Variants in TAPT1 observed in about 807,000 individuals in gnomAD.
TAPT1 encodes the protein transmembrane anterior posterior transformation protein 1 homolog.
A neutral mutation model predicts 65.6 loss-of-function variants in TAPT1; 28 were observed. The observed-to-expected ratio is 0.43, with a 90% CI of 0.32 to 0.59. TAPT1 has a LOEUF of 0.59. TAPT1 is among the 20% of genes least tolerant of loss of function. The pLI, the probability that TAPT1 is intolerant of heterozygous loss-of-function variation, is 0.09. For missense variants in TAPT1, 563 were observed against 679.9 expected (o/e 0.83, Z 1.91); for synonymous variants, 278 against 245.2 (o/e 1.13, Z -1.25).
intron 1 of TAPT1, among the ~76,000 whole-genome samples, chr4:16,224,098 A>G (rs1751413855): frequency 6.6e-6 from 1 of 152,234 alleles, no homozygotes; most frequent in African/African-American, 2.4e-5. Flanking sequence ...AAAAAAATCA[A>G]CAAGTAATAC....
chr4:16,209,725 G>C (rs1404545616), intron 2 of TAPT1, among the ~76,000 whole-genome samples: 1 of 152,188 alleles, frequency 6.6e-6, no homozygotes, highest in Non-Finnish European at 1.5e-5. Context: ...TGCCACCGTG[G>C]GGTGGACAAA....
rs2149670332 is a variant in TAPT1 at position 16,170,743 on chromosome 4, A to C, written c.1237-14T>G. On this transcript the variant is annotated splice_polypyrimidine_tract_variant and intron_variant, in intron 11 of 13. Transcript: ENST00000405303. Reference sequence around the variant, plus strand: ...AACTCTGATGAGCTAGCCAGAAACAAACCAAAACAACAAAAACACACAAAC... The same window carrying C: ...AACTCTGATGAGCTAGCCAGAAACACACCAAAACAACAAAAACACACAAAC... 6.2e-7 allele frequency: 1 copy of C among 1,605,438 alleles called. No individual in the cohort carries two copies. Among genetic ancestry groups the C allele is most frequent in the African/African-American group, 1.3e-5 (1 of 74,872 alleles).
intron 1 of TAPT1, chr4:16,225,972 T>A (rs1362861243): frequency 2.7e-5 from 27 of 994,234 alleles, no homozygotes; most frequent in Non-Finnish European, 2.5e-5. Context: ...CCGAGGGCGA[T>A]GCAAGGACCC....
chr4:16,226,513 G>GCCTCTGTCCCCT, upstream of TAPT1: 1 of 992,198 alleles, frequency 1.0e-6, no homozygotes, highest in Non-Finnish European at 1.2e-6. Context: ...GCCTCCGGCC[G>GCCTCTGTCCCCT]GCCCCCTCCC....
Position 16,202,578 on chromosome 4 carries a change from C to A in TAPT1, c.333G>T (p.Leu111=). ...CLRIPRELEK[L]MVFGIFLCLD... ...GGCACAGAAAGATTCCAAAAACCAT[C>A]AGCTGAATTTTAACAAGGAGAGAAG... Residue 111 remains leucine (L), a splice_region_variant and synonymous_variant, in exon 3 of 14, where the codon CTG becomes CTT. Transcript: ENST00000405303. The A allele has an allele frequency of 2.0e-6, 3 of 1,497,742 alleles. No homozygotes were observed. The highest frequency in any genetic ancestry group is 2.2e-5 in the Admixed American group (1 of 45,796). The allele number at this position is 1,497,742 out of a possible 1,614,324, so 92.8% of individuals were successfully genotyped here.
intron 2 of TAPT1, among the ~76,000 whole-genome samples, chr4:16,211,953 A>G (rs143006888): frequency 6.6e-6 from 1 of 152,340 alleles, no homozygotes; most frequent in East Asian, 1.9e-4. Context: ...AATGCTTATT[A>G]GTTTCTGTGA....
chr4:16,201,666 T>A lies in TAPT1; in HGVS notation c.449+796A>T, dbSNP rs1441903074. Among the ~76,000 whole-genome samples the A allele has an allele frequency of 2.6e-5, 4 of 152,320 alleles. No individual in the cohort carries two copies. The East Asian group carries it at 7.7e-4, about 29-fold the overall frequency. The stretch of plus-strand genomic sequence containing the variant: ...CATTAAGCTTCATGTAAGCTTAACA[T>A]CTTCACCTTACTATTCTGAGTTTTG... On this transcript the variant is annotated intron_variant, in intron 3 of 13. Transcript: ENST00000405303.
At chr4:16,193,432 T>C (rs1307475987) in intron 3 of TAPT1, among the ~76,000 whole-genome samples, 1 of 152,204 alleles carries the variant, frequency 6.6e-6, no homozygotes, top group Non-Finnish European at 1.5e-5. Flanking sequence ...ATGATGTTCC[T>C]CTTTCTCCCA....
At chr4:16,175,054 G>T in intron 9 of TAPT1, 1 of 166,744 alleles carries the variant, frequency 6.0e-6, no homozygotes, top group East Asian at 1.6e-4. Context: ...AAATAATTTT[G>T]AAATTTTAAA....
At chr4:16,189,066 T>G (rs1749195592) in intron 4 of TAPT1, among the ~76,000 whole-genome samples, 1 of 152,190 alleles carries the variant, frequency 6.6e-6, no homozygotes, top group South Asian at 2.1e-4. Flanking sequence ...TGGTAACTAT[T>G]TTTTTGAGGT....
At chr4:16,208,569 T>C (rs1223140494) in intron 2 of TAPT1, among the ~76,000 whole-genome samples, 1 of 152,212 alleles carries the variant, frequency 6.6e-6, no homozygotes, top group East Asian at 1.9e-4. Context: ...AGCCGTCATC[T>C]TTCTACTAGA....
chr4:16,165,616 C>A (rs1390386578), intron 13 of TAPT1, among the ~76,000 whole-genome samples: 1 of 150,684 alleles, frequency 6.6e-6, no homozygotes, highest in Non-Finnish European at 1.5e-5. Context: ...GTTATATGAA[C>A]AAATACCTCT....
chr4:16,163,030 G>C lies in TAPT1; in HGVS notation c.*278C>G. 1 of 532,058 alleles carries C rather than the reference G, an allele frequency of 1.9e-6. No homozygotes were observed. Among genetic ancestry groups the C allele is most frequent in the Non-Finnish European group, 3.6e-6 (1 of 277,250 alleles). The allele number at this position is 532,058 out of a possible 1,614,324, so 33.0% of individuals were successfully genotyped here. A position where few individuals can be genotyped will look rare whatever the true frequency, so the allele number is the denominator to read the frequency against. On this transcript the variant is annotated 3_prime_UTR_variant, in exon 14 of 14. Coordinates refer to ENST00000405303, the MANE Select transcript of TAPT1 (RefSeq NM_153365.3). Reference sequence around the variant, plus strand: ...CAAAACAGATTTTGATGTTGCCTTTGTTGGGTCCTGGAAATGATGCTGCTG... The same window carrying C: ...CAAAACAGATTTTGATGTTGCCTTTCTTGGGTCCTGGAAATGATGCTGCTG...
At chr4:16,205,575 G>A (rs1013087235) in intron 2 of TAPT1, among the ~76,000 whole-genome samples, 5 of 152,160 alleles carry the variant, frequency 3.3e-5, no homozygotes, top group Non-Finnish European at 7.3e-5. Flanking sequence ...CAGGTGAAGA[G>A]CCTGGGTCTG....
chr4:16,201,293 T>TA (rs1342024135), intron 3 of TAPT1, among the ~76,000 whole-genome samples: 9 of 152,178 alleles, frequency 5.9e-5, no homozygotes, highest in Admixed American at 4.6e-4. Context: ...TTCAGTCTTT[T>TA]AAAAAAACAA....
chr4:16,219,139 A>G (rs965684013), intron 1 of TAPT1, among the ~76,000 whole-genome samples: 3 of 152,214 alleles, frequency 2.0e-5, no homozygotes, highest in Non-Finnish European at 4.4e-5. Flanking sequence ...ACCAAGGCCC[A>G]GAGAGGCTAA....
intron 2 of TAPT1, among the ~76,000 whole-genome samples, chr4:16,207,019 G>A (rs1335803984): frequency 6.6e-6 from 1 of 152,128 alleles, no homozygotes; most frequent in African/African-American, 2.4e-5. Flanking sequence ...GAGAGAAGGG[G>A]AGAAGCACCA....
intron 2 of TAPT1, among the ~76,000 whole-genome samples, chr4:16,208,976 G>C (rs1750502418): frequency 6.6e-6 from 1 of 152,088 alleles, no homozygotes; most frequent in South Asian, 2.1e-4. Context: ...CAATCCTTCT[G>C]CCTCAGTCTC....
rs71649940 is a variant in TAPT1 at position 16,194,859 on chromosome 4, G to GTCTTCTTCTTCTTCTTCT, written c.450-3354_450-3337dup. Among the ~76,000 whole-genome samples, 183 of 147,002 alleles carry GTCTTCTTCTTCTTCTTCT rather than the reference G, an allele frequency of 1.2e-3. 8 individuals are homozygous for GTCTTCTTCTTCTTCTTCT. The highest frequency in any genetic ancestry group is 4.6e-3 in the African/African-American group (172 of 37,442). On this transcript the variant is annotated intron_variant, in intron 3 of 13. Coordinates refer to ENST00000405303, the MANE Select transcript of TAPT1 (RefSeq NM_153365.3). ...TTAAAAAACAAGGGTCTTGATTTCT[G>GTCTTCTTCTTCTTCTTCT]TCTTCTTCTTCTTCTTCTTCTTCTT... is the stretch of plus-strand genomic sequence containing the variant.
Sources: allele counts gnomAD v4.1 joint callset (sites outside exome capture counted in the v4.1 genomes callset), GRCh38; gene constraint gnomAD v4.1.1; transcripts MANE v1.5; gene names NCBI Gene and HGNC (gene_info 2026-07-23, HGNC 2026-07-21).